The following CSMD1 variants were observed in gnomAD, a reference collection of about 807,000 sequenced individuals.
CSMD1 encodes the protein CUB and Sushi multiple domains 1, also known as CUB and sushi domain-containing protein 1.
CSMD1 carries 213 observed loss-of-function variants against 417.5 expected under a neutral mutation model. The observed-to-expected ratio is 0.51, with a 90% CI of 0.46 to 0.57. CSMD1 has a LOEUF of 0.57. CSMD1 is among the 20% of genes least tolerant of loss of function. CSMD1 has a pLI of 0.00. For missense variants in CSMD1, 6,923 were observed against 4,529.7 expected (o/e 1.53, Z -15.17); for synonymous variants, 2,862 against 1,736.8 (o/e 1.65, Z -16.11).
At chr8:3,692,360 A>G (rs1800295815) in intron 7 of CSMD1, among the ~76,000 whole-genome samples, 1 of 152,194 alleles carries the variant, frequency 6.6e-6, no homozygotes, top group Non-Finnish European at 1.5e-5. Flanking sequence ...GACTCAGGAA[A>G]GAGACTCGCT....
In CSMD1 at chr8:4,420,645, G is replaced by C. The variant is rs145182005; in HGVS notation, c.303-580C>G. On this transcript the variant is annotated intron_variant, in intron 2 of 69. Coordinates refer to ENST00000635120, the MANE Select transcript of CSMD1 (RefSeq NM_033225.6). Reference sequence around the variant, plus strand: ...CACTGAGTTGGTCGTGAAACAATCTGTGTTTCAGTTGGATTCCAAGCTGTG... The same window carrying C: ...CACTGAGTTGGTCGTGAAACAATCTCTGTTTCAGTTGGATTCCAAGCTGTG... 3.2e-4 allele frequency among the ~76,000 whole-genome samples: 48 copies of C among 152,248 alleles called. No individual in the cohort carries two copies. The East Asian group carries it at 6.0e-3, about 19-fold the overall frequency.
intron 3 of CSMD1, among the ~76,000 whole-genome samples, chr8:4,291,627 TCTTA>T (rs1025045483): frequency 6.6e-6 from 1 of 152,188 alleles, no homozygotes; most frequent in Non-Finnish European, 1.5e-5. Flanking sequence ...TATGTTTCTT[TCTTA>T]AATTATAGCC....
chr8:3,656,580 T>G (rs1171431649), intron 7 of CSMD1, among the ~76,000 whole-genome samples: 2 of 152,162 alleles, frequency 1.3e-5, no homozygotes, highest in Non-Finnish European at 2.9e-5. Flanking sequence ...AGGAGTTTTC[T>G]TACGAAGCCC....
At chr8:3,350,512 T>TTTA (rs1563299558) in intron 21 of CSMD1, among the ~76,000 whole-genome samples, 19 of 152,104 alleles carry the variant, frequency 1.2e-4, no homozygotes. Flanking sequence ...ATAGCACTTT[T>TTTA]AAAAAATATC....
chr8:4,051,544 A>G (rs1165336390), intron 3 of CSMD1, among the ~76,000 whole-genome samples: 1 of 152,174 alleles, frequency 6.6e-6, no homozygotes, highest in Non-Finnish European at 1.5e-5. Flanking sequence ...TCAGCAGAGA[A>G]AAGCAACTCC....
Position 4,614,323 on chromosome 8 carries a change from G to A in CSMD1, c.302+23019C>T, listed in dbSNP as rs185425825. Among the ~76,000 whole-genome samples, 3 of 152,218 alleles carry A rather than the reference G, an allele frequency of 2.0e-5. No homozygotes were observed. In the East Asian group the frequency reaches 5.8e-4, roughly 29 times the overall value. On this transcript the variant is annotated intron_variant, in intron 2 of 69. Transcript: ENST00000635120. ...AGGCCAAAACTCTGTAGAAAATCCT[G>A]TCTTGAAGGTAGCACTCCCACCATT...
chr8:3,461,293 G>A (rs562427406), intron 12 of CSMD1, among the ~76,000 whole-genome samples: 1 of 152,352 alleles, frequency 6.6e-6, no homozygotes, highest in East Asian at 1.9e-4. Context: ...GCTTTTGCTG[G>A]ATAGAATGAG....
intron 5 of CSMD1, among the ~76,000 whole-genome samples, chr8:3,913,733 G>C (rs1584955038): frequency 6.6e-6 from 1 of 152,104 alleles, no homozygotes; most frequent in Non-Finnish European, 1.5e-5. Flanking sequence ...GCAGGAGTGG[G>C]GAAGGAATGT....
At chr8:3,735,851 A>G (rs1383970047) in intron 6 of CSMD1, among the ~76,000 whole-genome samples, 2 of 152,194 alleles carry the variant, frequency 1.3e-5, no homozygotes, top group Non-Finnish European at 2.9e-5. Flanking sequence ...TGATTTCCTA[A>G]TTTATGCCTA....
At chr8:3,466,853 A>T (rs983580497) in intron 12 of CSMD1, among the ~76,000 whole-genome samples, 1 of 152,174 alleles carries the variant, frequency 6.6e-6, no homozygotes, top group African/African-American at 2.4e-5. Context: ...AGCTTAATAT[A>T]GTACTCTGGA....
chr8:4,054,296 T>C lies in CSMD1; in HGVS notation c.416-22197A>G, dbSNP rs551144810. The stretch of plus-strand genomic sequence containing the variant: ...GGGGAAGTGAAGATGTGGCTTCCAC[T>C]TCACATTCTCTCCTCTCCTCTGGGG... On this transcript the variant is annotated intron_variant, in intron 3 of 69. Transcript: ENST00000635120. Among the ~76,000 whole-genome samples the C allele has an allele frequency of 2.0e-5, 3 of 152,286 alleles. No individual in the cohort carries two copies. The East Asian group carries it at 5.8e-4, about 29-fold the overall frequency.
intron 10 of CSMD1, among the ~76,000 whole-genome samples, chr8:3,550,248 T>C (rs956946750): frequency 6.6e-6 from 1 of 152,056 alleles, no homozygotes; most frequent in African/African-American, 2.4e-5. Flanking sequence ...ATCCTATGTC[T>C]CACCACCTGT....
At chr8:3,779,205 T>A (rs1237585843) in intron 5 of CSMD1, among the ~76,000 whole-genome samples, 1 of 150,946 alleles carries the variant, frequency 6.6e-6, no homozygotes, top group Non-Finnish European at 1.5e-5. Context: ...TTTGAGAGGG[T>A]GAATAAGACA....
At chr8:3,508,663 T>A (rs984973872) in intron 10 of CSMD1, among the ~76,000 whole-genome samples, 2 of 152,248 alleles carry the variant, frequency 1.3e-5, no homozygotes, top group Admixed American at 6.5e-5. Context: ...GGTTTTATTG[T>A]ACTTCCAGCT....
intron 46 of CSMD1, among the ~76,000 whole-genome samples, chr8:3,102,403 C>A (rs1482461325): frequency 6.6e-6 from 1 of 152,150 alleles, no homozygotes; most frequent in Non-Finnish European, 1.5e-5. Context: ...ACTAGGTTAT[C>A]CTGTTCGCCT....
At chr8:4,815,450 C>T (rs912235292) in intron 1 of CSMD1, among the ~76,000 whole-genome samples, 1 of 151,954 alleles carries the variant, frequency 6.6e-6, no homozygotes, top group Non-Finnish European at 1.5e-5. Flanking sequence ...AATCCCAGCA[C>T]TTTGGGAGGC....
chr8:4,114,539 C>A (rs1267758198), intron 3 of CSMD1, among the ~76,000 whole-genome samples: 2 of 124,550 alleles, frequency 1.6e-5, no homozygotes, highest in East Asian at 2.4e-4. Flanking sequence ...ATAACTCAAA[C>A]TTTCAACTCT....
At chr8:4,195,702 A>C (rs754485855) in intron 3 of CSMD1, among the ~76,000 whole-genome samples, 3 of 152,046 alleles carry the variant, frequency 2.0e-5, no homozygotes, top group Non-Finnish European at 4.4e-5. Context: ...ACGCAGGGAG[A>C]AATTGTGGAA....
chr8:3,043,878 C>T (rs567210048), intron 50 of CSMD1: 1 of 152,454 alleles, frequency 6.6e-6, no homozygotes, highest in African/African-American at 2.4e-5. Flanking sequence ...ATGTCATTCT[C>T]AAGTGATATA....
Sources: allele counts gnomAD v4.1 joint callset (sites outside exome capture counted in the v4.1 genomes callset), GRCh38; gene constraint gnomAD v4.1.1; transcripts MANE v1.5; gene names NCBI Gene and HGNC (gene_info 2026-07-23, HGNC 2026-07-21).